Variants in LTBP1 observed in about 807,000 individuals in gnomAD.
LTBP1 encodes the protein latent transforming growth factor beta binding protein 1.
Under a neutral mutation model 207.6 loss-of-function variants are expected in LTBP1, and 129 were observed. The observed-to-expected ratio is 0.62, with a 90% CI of 0.54 to 0.72. LTBP1 has a LOEUF of 0.72. Ranked by LOEUF, LTBP1 falls within the 30% of genes least tolerant of loss-of-function variation. The pLI is 0.00. For missense variants in LTBP1, 2,281 were observed against 2,217.2 expected (o/e 1.03, Z -0.58); for synonymous variants, 963 against 833.7 (o/e 1.16, Z -2.67).
chr2:33,323,434 C>T (rs1559011334), intron 24 of LTBP1, among the ~76,000 whole-genome samples: 1 of 152,036 alleles, frequency 6.6e-6, no homozygotes, highest in Non-Finnish European at 1.5e-5. Flanking sequence ...GTCAGGAGTT[C>T]GAGACCAGCA....
chr2:33,291,196 T>C (rs1380837311), intron 19 of LTBP1, among the ~76,000 whole-genome samples: 1 of 152,256 alleles, frequency 6.6e-6, no homozygotes, highest in Non-Finnish European at 1.5e-5. Context: ...TGCTTCATCA[T>C]TAATCATGAG....
rs1399859373 is a variant in LTBP1 at position 33,397,267 on chromosome 2, A to C, written c.4969A>C (p.Lys1657Gln). 1 of 1,614,124 alleles carries C rather than the reference A, an allele frequency of 6.2e-7. No homozygotes were observed. The highest frequency in any genetic ancestry group is 1.7e-5 in the Admixed American group (1 of 60,020). ...CFDGYHLDTA[K>Q]MTCVDVNECD... ...TGATGGGTATCACTTGGATACGGCC[A>C]AGATGACCTGTGTCGGTAAGAATGA... The change falls in exon 33 of 34, where the codon AAG becomes CAG. Residue 1657 changes from lysine to glutamine, a missense_variant. Physicochemically the swap from Lys to Gln is moderately conservative, Grantham distance 53. Around this residue, in one of 3 missense-constraint regions of LTBP1, gnomAD observed 1,671 missense variants for 1,634.8 expected, o/e 1.02. Coordinates refer to ENST00000404816, the MANE Select transcript of LTBP1 (RefSeq NM_206943.4).
intron 2 of LTBP1, among the ~76,000 whole-genome samples, chr2:32,951,369 C>T (rs115942083): frequency 2.5e-3 from 378 of 152,226 alleles, no homozygotes; most frequent in Non-Finnish European, 4.4e-3. Context: ...GGTAGGTCAG[C>T]GTGCGATCCA....
rs142232576 is a variant in LTBP1, at chr2:33,070,113, A to G, written c.864-40469A>G. On this transcript the variant is annotated intron_variant, in intron 3 of 33. Transcript: ENST00000404816. ...TCTGCCGGAAACTCTCATTCTTAAC[A>G]CCAGTCATCATGGTCCTGGCAACAC... Among the ~76,000 whole-genome samples the G allele has an allele frequency of 4.2e-4, 64 of 152,232 alleles. 1 individual carries two copies. The highest frequency in any genetic ancestry group is 1.5e-3 in the African/African-American group (62 of 41,540).
chr2:33,294,509 AAAAT>A (rs2093835991), intron 20 of LTBP1, among the ~76,000 whole-genome samples: 1 of 151,942 alleles, frequency 6.6e-6, no homozygotes, highest in Admixed American at 6.6e-5. Context: ...GTCTCTTTTA[AAAAT>A]AAACTTTTGT....
intron 2 of LTBP1, among the ~76,000 whole-genome samples, chr2:32,962,492 C>T (rs1357410242): frequency 6.6e-6 from 1 of 152,192 alleles, no homozygotes; most frequent in Non-Finnish European, 1.5e-5. Context: ...TCTTTATATA[C>T]AATAGACCCT....
intron 2 of LTBP1, among the ~76,000 whole-genome samples, chr2:32,990,054 A>G (rs1449835225): frequency 6.6e-6 from 1 of 152,184 alleles, no homozygotes; most frequent in Admixed American, 6.5e-5. Flanking sequence ...GCAGTGGGCT[A>G]TGGTCATGCC....
intron 33 of LTBP1, 146 bp downstream of exon 33, chr2:33,397,428 A>ATTC: frequency 1.4e-6 from 1 of 716,386 alleles, no homozygotes; most frequent in Non-Finnish European, 2.3e-6. Flanking sequence ...GTACAGTATG[A>ATTC]ATATACTTAA....
intron 2 of LTBP1, among the ~76,000 whole-genome samples, chr2:32,997,981 ATGT>A (rs1269706724): frequency 2.6e-5 from 4 of 152,132 alleles, no homozygotes. Context: ...TATGTTTATG[ATGT>A]TCAGACTGTT....
intron 18 of LTBP1, among the ~76,000 whole-genome samples, chr2:33,279,516 T>C (rs56093738): frequency 7.7e-6 from 1 of 129,846 alleles, no homozygotes; most frequent in Non-Finnish European, 1.7e-5. Context: ...CTCATGTTTT[T>C]TTTTTTTTCC....
chr2:33,190,872 C>T lies in LTBP1; in HGVS notation c.1701+2021C>T, dbSNP rs569867498. Among the ~76,000 whole-genome samples the T allele has an allele frequency of 4.6e-5, 7 of 152,228 alleles. No individual in the cohort carries two copies. In the South Asian group the frequency reaches 1.5e-3, roughly 32 times the overall value. ...GGGGACCTAACGTGGCTTTTCATTC[C>T]CCAGTTTTGCAAATGCTTTTGGGAG... On this transcript the variant is annotated intron_variant, in intron 7 of 33. Transcript: ENST00000404816.
At chr2:33,138,914 A>G (rs1187306886) in intron 5 of LTBP1, among the ~76,000 whole-genome samples, 2 of 118,460 alleles carry the variant, frequency 1.7e-5, no homozygotes, top group Non-Finnish European at 3.2e-5. Flanking sequence ...GCTGGAGTGC[A>G]GTGGCGCGAT....
chr2:32,967,377 C>G (rs565559679), intron 2 of LTBP1, among the ~76,000 whole-genome samples: 1 of 152,054 alleles, frequency 6.6e-6, no homozygotes, highest in South Asian at 2.1e-4. Context: ...TAATTTGCTG[C>G]TCTTTTTCTA....
At chr2:32,990,071 C>T (rs1303086367) in intron 2 of LTBP1, among the ~76,000 whole-genome samples, 1 of 152,202 alleles carries the variant, frequency 6.6e-6, no homozygotes, top group African/African-American at 2.4e-5. Context: ...TGCCACTGTG[C>T]TCCAGCCTGG....
chr2:33,393,641 A>G (rs1303052344), intron 32 of LTBP1, among the ~76,000 whole-genome samples: 1 of 152,178 alleles, frequency 6.6e-6, no homozygotes. Context: ...TTATGGCTGC[A>G]TAGCATTCCA....
At chr2:33,000,935 A>G (rs985548396) in intron 2 of LTBP1, among the ~76,000 whole-genome samples, 4 of 133,390 alleles carry the variant, frequency 3.0e-5, no homozygotes, top group Admixed American at 7.7e-5. Flanking sequence ...TGAAAAGAGG[A>G]TTTTTTTTCC....
At chr2:33,209,092 C>G (rs1003348173) in intron 7 of LTBP1, among the ~76,000 whole-genome samples, 1 of 151,972 alleles carries the variant, frequency 6.6e-6, no homozygotes, top group East Asian at 1.9e-4. Context: ...AGGCTGGTTT[C>G]GAACTCCTGA....
intron 2 of LTBP1, among the ~76,000 whole-genome samples, chr2:32,968,339 T>C (rs984694688): frequency 4.6e-5 from 7 of 152,338 alleles, no homozygotes; most frequent in African/African-American, 1.4e-4. Context: ...GGTTATGTTT[T>C]CTTGGAGAAT....
chr2:33,023,950 C>G (rs934590294), intron 3 of LTBP1, among the ~76,000 whole-genome samples: 2 of 152,158 alleles, frequency 1.3e-5, no homozygotes, highest in African/African-American at 4.8e-5. Flanking sequence ...TGTGTTTAAC[C>G]AGTAAAGGAG....
Sources: gnomAD v4.1 joint callset for allele counts (sites outside exome capture counted in the v4.1 genomes callset) on GRCh38, gnomAD v4.1.1 for gene constraint, gnomAD v4.1.1 regional missense constraint, MANE v1.5 for transcripts, NCBI Gene and HGNC (gene_info 2026-07-23, HGNC 2026-07-21) for gene names.